KATNA1: variants seen among roughly 807,000 people sequenced by gnomAD.
KATNA1 encodes katanin catalytic subunit A1.
In KATNA1, 42 loss-of-function variants were observed where a neutral mutation model predicts 62.6. The observed-to-expected ratio is 0.67, with a 90% CI of 0.52 to 0.87. The LOEUF (loss-of-function observed/expected upper bound fraction) is 0.87. Ranked by LOEUF, KATNA1 falls within the 40% of genes least tolerant of loss-of-function variation. The pLI is 0.00. For synonymous variants in KATNA1, 186 were observed against 201.9 expected (o/e 0.92, Z 0.67); for missense variants, 498 against 612.5 (o/e 0.81, Z 1.97).
At chr6:149,601,506 A>G (rs565825477) in intron 7 of KATNA1, 88 bp downstream of exon 7, 1 of 1,214,054 alleles carries the variant, frequency 8.2e-7, no homozygotes, top group Non-Finnish European at 1.1e-6. Context: ...CATCCTGCCT[A>G]ACTATTCCAT....
chr6:149,612,100 A>G (rs1182262158), intron 4 of KATNA1, among the ~76,000 whole-genome samples: 1 of 152,216 alleles, frequency 6.6e-6, no homozygotes, highest in East Asian at 1.9e-4. Context: ...ACAAACTACC[A>G]CAACTCACCT....
intron 4 of KATNA1, among the ~76,000 whole-genome samples, chr6:149,611,887 T>C (rs1778974099): frequency 6.6e-6 from 1 of 151,938 alleles, no homozygotes; most frequent in East Asian, 1.9e-4. Flanking sequence ...TAGTCCCAGC[T>C]ACTCAGGGAG....
intron 1 of KATNA1, among the ~76,000 whole-genome samples, chr6:149,643,687 CCT>C (rs1491291713): frequency 6.6e-6 from 1 of 151,202 alleles, no homozygotes; most frequent in African/African-American, 2.4e-5. Context: ...TAGTTGTTGT[CCT>C]TTTTTTTTTT....
Position 149,598,297 on chromosome 6 carries a change from A to G in KATNA1, c.942T>C (p.Cys314=). ...GTTCTTCAGAAGTCCCTCGGCGACT[A>G]CAGATGGAGTCTATCTCATCAATAA... ...TIFIDEIDSI[C]SRRGTSEEHE... The change falls in exon 8 of 11, where the codon TGT becomes TGC. Residue 314 remains cysteine, a synonymous_variant. Transcript: ENST00000367411. 1 of 1,613,948 alleles carries G rather than the reference A, an allele frequency of 6.2e-7. No individual in the cohort carries two copies. Among genetic ancestry groups the G allele is most frequent in the Non-Finnish European group, 8.5e-7 (1 of 1,179,884 alleles).
intron 4 of KATNA1, among the ~76,000 whole-genome samples, chr6:149,611,433 G>C (rs1778948664): frequency 7.4e-6 from 1 of 135,700 alleles, no homozygotes; most frequent in Non-Finnish European, 1.5e-5. Flanking sequence ...TCGTACTCCA[G>C]CCTGGGCAAC....
chr6:149,625,500 C>A (rs1336275466), intron 3 of KATNA1, among the ~76,000 whole-genome samples: 1 of 151,716 alleles, frequency 6.6e-6, no homozygotes, highest in African/African-American at 2.4e-5. Flanking sequence ...TGTGGTGGCA[C>A]GCACTGGTAA....
At chr6:149,607,931 T>TCC (rs1367176173) in intron 4 of KATNA1, among the ~76,000 whole-genome samples, 2 of 152,048 alleles carry the variant, frequency 1.3e-5, no homozygotes, top group Non-Finnish European at 2.9e-5. Flanking sequence ...CCAGGTGTGA[T>TCC]GGTTCACACC....
Position 149,629,574 on chromosome 6 carries a change from G to A in KATNA1, c.320+3185C>T, listed in dbSNP as rs139663747. 8.1e-3 allele frequency among the ~76,000 whole-genome samples: 1,235 copies of A among 152,222 alleles called. 23 individuals are homozygous for A. Among genetic ancestry groups the A allele is most frequent in the African/African-American group, 0.029 (1,189 of 41,540 alleles). ...ATTCTCCAGAAGGAGAAAAGAGCAA[G>A]TAAATAAGAATAAAACAAATTAACA... On this transcript the variant is annotated intron_variant, in intron 3 of 10. Coordinates refer to ENST00000367411, the MANE Select transcript of KATNA1 (RefSeq NM_007044.4).
At chr6:149,641,337 C>T (rs568144852) in intron 1 of KATNA1, among the ~76,000 whole-genome samples, 5 of 151,792 alleles carry the variant, frequency 3.3e-5, no homozygotes, top group East Asian at 1.9e-4. Flanking sequence ...CCACCACGCT[C>T]GGCTAATTTT....
At chr6:149,622,656 T>C (rs923090981) in intron 4 of KATNA1, among the ~76,000 whole-genome samples, 15 of 150,972 alleles carry the variant, frequency 9.9e-5, no homozygotes, top group African/African-American at 3.7e-4. Context: ...GTAGTATAAC[T>C]AAGGTTTTAT....
chr6:149,611,872 G>T (rs1273468270), intron 4 of KATNA1, among the ~76,000 whole-genome samples: 1 of 151,948 alleles, frequency 6.6e-6, no homozygotes, highest in Non-Finnish European at 1.5e-5. Flanking sequence ...GGTGGCGGGC[G>T]CCTGTAGTCC....
chr6:149,643,735 A>C (rs1780375630), intron 1 of KATNA1, among the ~76,000 whole-genome samples: 1 of 150,328 alleles, frequency 6.7e-6, no homozygotes, highest in Non-Finnish European at 1.5e-5. Context: ...CCCAGGCTGG[A>C]GTGCAGTGGT....
chr6:149,621,326 G>A (rs111690902), intron 4 of KATNA1, among the ~76,000 whole-genome samples: 4,070 of 151,114 alleles, frequency 0.027, 165 homozygotes, highest in African/African-American at 0.093. Context: ...GGGATTCACC[G>A]TGTTAGCCAG....
At chr6:149,638,737 T>TTTTG in intron 1 of KATNA1, 177 bp from the exon 2 acceptor site, 1 of 425,222 alleles carries the variant, frequency 2.4e-6, no homozygotes, top group Non-Finnish European at 4.1e-6. Context: ...ATTGTTTTTT[T>TTTTG]TTTTTTTTTT....
At chr6:149,648,058 C>G (rs1026954832) in intron 1 of KATNA1, among the ~76,000 whole-genome samples, 6 of 152,142 alleles carry the variant, frequency 3.9e-5, no homozygotes, top group African/African-American at 1.2e-4. Flanking sequence ...CAATATCACT[C>G]GAACCTAACA....
At chr6:149,625,790 T>C (rs1309685620) in intron 3 of KATNA1, among the ~76,000 whole-genome samples, 2 of 151,470 alleles carry the variant, frequency 1.3e-5, no homozygotes, top group Non-Finnish European at 2.9e-5. Context: ...AAAAATTAGA[T>C]GGGCATGGTG....
At chr6:149,632,180 TGAG>T (rs1176446538) in intron 3 of KATNA1, among the ~76,000 whole-genome samples, 1 of 151,380 alleles carries the variant, frequency 6.6e-6, no homozygotes, top group Non-Finnish European at 1.5e-5. Context: ...GATCACGAGG[TGAG>T]GAGAACGAGA....
In KATNA1 at chr6:149,601,725, T is replaced by A; in HGVS notation, c.757A>T (p.Thr253Ser). The A allele has an allele frequency of 6.2e-7, 1 of 1,608,210 alleles. No homozygotes were observed. The highest frequency in any genetic ancestry group is 1.1e-5 in the South Asian group (1 of 89,902). The change falls in exon 7 of 11, where the codon ACG becomes TCG. Residue 253 changes from threonine (T) to serine (S), a missense_variant. This residue lies in a region of KATNA1 where 267 missense variants were observed against 372.6 expected (regional missense o/e 0.72). Coordinates refer to ENST00000367411, the MANE Select transcript of KATNA1 (RefSeq NM_007044.4). The part of the protein sequence containing the change: ...KGVLMVGPPG[T>S]GKTLLAKAVA... ...GCTTTAGCAAGGAGCGTCTTCCCCG[T>A]GCCAGGTGGGCCGACCATCAGTACT... is the stretch of plus-strand genomic sequence containing the variant.
chr6:149,641,374 C>T (rs1780278489), intron 1 of KATNA1, among the ~76,000 whole-genome samples: 1 of 151,674 alleles, frequency 6.6e-6, no homozygotes, highest in South Asian at 2.1e-4. Context: ...GATGGGGTTT[C>T]ACCATGTTAG....
Sources: gnomAD v4.1 joint callset for allele counts (sites outside exome capture counted in the v4.1 genomes callset) on GRCh38, gnomAD v4.1.1 for gene constraint, gnomAD v4.1.1 regional missense constraint, MANE v1.5 for transcripts, NCBI Gene and HGNC (gene_info 2026-07-23, HGNC 2026-07-21) for gene names.